ATP5F1C: variants seen among roughly 807,000 people sequenced by gnomAD.
The protein encoded by ATP5F1C is ATP synthase F(1) complex subunit gamma, mitochondrial.
ATP5F1C carries 22 observed loss-of-function variants against 37.4 expected under a neutral mutation model. The ratio of observed to expected loss-of-function variants is 0.59; its 90% confidence interval spans 0.42 to 0.84. The LOEUF (loss-of-function observed/expected upper bound fraction) is 0.84, where lower values mean the gene tolerates loss of function less well. ATP5F1C is among the 40% of genes least tolerant of loss of function. The pLI, the probability that ATP5F1C is intolerant of heterozygous loss-of-function variation, is 0.00. For missense variants in ATP5F1C, 286 were observed against 362.4 expected, an observed-to-expected ratio of 0.79 and a Z score of 1.71; for synonymous variants, 121 against 128.0, an observed-to-expected ratio of 0.95 and a Z score of 0.37.
intron 1 of ATP5F1C, among the ~76,000 whole-genome samples, chr10:7,788,625 C>T (rs1836098449): frequency 6.6e-6 from 1 of 152,172 alleles, no homozygotes; most frequent in Admixed American, 6.5e-5. Context: ...CCCCCAGTCT[C>T]AGGGCCTGCA....
intron 3 of ATP5F1C, 33 bp from the exon 4 acceptor site, chr10:7,798,957 A>G (rs1220899366): frequency 6.3e-7 from 1 of 1,579,386 alleles, no homozygotes. Context: ...TGTATTGCAT[A>G]TAAAAAAATT....
chr10:7,803,251 ATGTTTTTT>A (rs1588503368), intron 8 of ATP5F1C, among the ~76,000 whole-genome samples: 2 of 95,910 alleles, frequency 2.1e-5, no homozygotes, highest in East Asian at 1.7e-3. Flanking sequence ...TTTAATCATT[ATGTTTTTT>A]AATCATTATG....
At chr10:7,805,878 G>C (rs899559557) in intron 8 of ATP5F1C, among the ~76,000 whole-genome samples, 10 of 152,124 alleles carry the variant, frequency 6.6e-5, no homozygotes, top group Non-Finnish European at 1.3e-4. Context: ...CTTGAGCCCA[G>C]GAGTTCAAGA....
intron 1 of ATP5F1C, among the ~76,000 whole-genome samples, chr10:7,788,752 C>G (rs953576833): frequency 6.6e-6 from 1 of 151,950 alleles, no homozygotes; most frequent in Non-Finnish European, 1.5e-5. Flanking sequence ...TCGATCGAGT[C>G]AGAGAGCGCG....
rs184488526 is a variant in ATP5F1C at position 7,797,197 on chromosome 10, T to G, written c.223+19T>G. 2 of 1,609,380 alleles carry G rather than the reference T, an allele frequency of 1.2e-6. No individual in the cohort carries two copies. Among genetic ancestry groups the G allele is most frequent in the East Asian group, 2.2e-5 (1 of 44,764 alleles). On this transcript the variant is annotated intron_variant, in intron 3 of 9. Transcript: ENST00000356708. ...TCTTTAGGTAAGGGAAGAGTGTAAT[T>G]CACAAATTAGGAAGAACTGTTTCAC...
At chr10:7,788,798 T>C (rs1836103779) in intron 1 of ATP5F1C, among the ~76,000 whole-genome samples, 1 of 151,902 alleles carries the variant, frequency 6.6e-6, no homozygotes, top group Non-Finnish European at 1.5e-5. Context: ...GACGCTTTGC[T>C]GGGTGCTGCA....
At chr10:7,794,048 A>G (rs150107576) in intron 1 of ATP5F1C, among the ~76,000 whole-genome samples, 30 of 152,334 alleles carry the variant, frequency 2.0e-4, no homozygotes, top group African/African-American at 6.7e-4. Flanking sequence ...ATAGATATCA[A>G]CTAAAATCAA....
chr10:7,788,202 G>C lies in ATP5F1C; in HGVS notation c.-6G>C. The C allele has an allele frequency of 6.2e-7, 1 of 1,613,244 alleles. No individual in the cohort carries two copies. Among genetic ancestry groups the C allele is most frequent in the South Asian group, 1.1e-5 (1 of 91,006 alleles). ...CTGACCGACCTTCAGCAGGGCTGTG[G>C]CTACCATGTTCTCTCGCGCGGGTGT... On this transcript the variant is annotated 5_prime_UTR_variant, in exon 1 of 10. Coordinates refer to ENST00000356708, the MANE Select transcript of ATP5F1C (RefSeq NM_001001973.3).
chr10:7,792,077 A>C (rs1836172793), intron 1 of ATP5F1C, among the ~76,000 whole-genome samples: 1 of 152,246 alleles, frequency 6.6e-6, no homozygotes, highest in Non-Finnish European at 1.5e-5. Context: ...TTTTGTGTTC[A>C]GGGAGAAAAG....
chr10:7,802,943 T>G (rs1244431), intron 8 of ATP5F1C, 89 bp downstream of exon 8: 521,026 of 1,198,704 alleles, frequency 0.43, 114,375 homozygotes, highest in South Asian at 0.54. Flanking sequence ...TTTCGTTTTT[T>G]TCTTTTGAAG....
At chr10:7,791,729 T>G (rs1408647091) in intron 1 of ATP5F1C, among the ~76,000 whole-genome samples, 1 of 152,218 alleles carries the variant, frequency 6.6e-6, no homozygotes, top group African/African-American at 2.4e-5. Flanking sequence ...AAGCTATCCC[T>G]AAAGAGAGTT....
chr10:7,806,565 G>T lies in ATP5F1C; in HGVS notation c.891-409G>T, dbSNP rs1836485029. 2.6e-5 allele frequency among the ~76,000 whole-genome samples: 4 copies of T among 151,552 alleles called. No homozygotes were observed. In the South Asian group the frequency reaches 8.3e-4, roughly 31 times the overall value. On this transcript the variant is annotated intron_variant, in intron 8 of 9. Transcript: ENST00000356708. Reference sequence around the variant, plus strand: ...CCAGCTACTCGGGAGGCTGAGGCAGGAGAATGACTTGAACCCAGGAGGAGG... The same window carrying T: ...CCAGCTACTCGGGAGGCTGAGGCAGTAGAATGACTTGAACCCAGGAGGAGG...
At chr10:7,799,950 T>A (rs1179554728) in intron 5 of ATP5F1C, 35 bp downstream of exon 5, 3 of 1,606,454 alleles carry the variant, frequency 1.9e-6, no homozygotes, top group Non-Finnish European at 2.5e-6. Context: ...CTTTTTTATG[T>A]TCATGCTTTT....
chr10:7,806,090 G>GAATCCA (rs1264877905), intron 8 of ATP5F1C, among the ~76,000 whole-genome samples: 1 of 152,166 alleles, frequency 6.6e-6, no homozygotes. Context: ...CACATAATTG[G>GAATCCA]AAATTGAGTA....
Position 7,802,863 on chromosome 10 carries a change from T to C in ATP5F1C, c.890+9T>C. The C allele has an allele frequency of 6.2e-7, 1 of 1,609,168 alleles. No homozygotes were observed. Among genetic ancestry groups the C allele is most frequent in the Non-Finnish European group, 8.5e-7 (1 of 1,177,964 alleles). On this transcript the variant is annotated intron_variant, in intron 8 of 9. Transcript: ENST00000356708. The stretch of plus-strand genomic sequence containing the variant: ...TCTGGTGCTGCAGCTCTGTGAGTAA[T>C]TGTAGATTGTCGCCTTCAGAGAATT...
At chr10:7,791,430 C>T (rs1396429212) in intron 1 of ATP5F1C, among the ~76,000 whole-genome samples, 4 of 152,130 alleles carry the variant, frequency 2.6e-5, no homozygotes, top group Admixed American at 6.5e-5. Flanking sequence ...TCATAATTTT[C>T]GTTGAGAATT....
chr10:7,807,600 C>T, intron 9 of ATP5F1C, 59 bp from the exon 10 acceptor site: 2 of 1,552,910 alleles, frequency 1.3e-6, no homozygotes, highest in South Asian at 2.3e-5. Flanking sequence ...TATCTCTTGA[C>T]ATTATTTTCC....
intron 8 of ATP5F1C, 87 bp from the exon 9 acceptor site, chr10:7,806,887 T>C (rs1190119146): frequency 8.5e-7 from 1 of 1,174,434 alleles, no homozygotes; most frequent in Non-Finnish European, 1.3e-6. Context: ...CTTTTTTTCA[T>C]TGGAAAGCAT....
At position 7,797,110 on chromosome 10, in the gene ATP5F1C, C is replaced by A. The variant is rs747924256; in HGVS notation, c.155C>A (p.Ala52Glu). Residue 52 changes from alanine to glutamate, a missense_variant, in exon 3 of 10, where the codon GCG becomes GAG. Physicochemically the swap from Ala to Glu is moderately radical, Grantham distance 107. Transcript: ENST00000356708. ...ATTACCAAGTCTATGAAAATGGTAG[C>A]GGCAGCAAAATATGCCCGAGCTGAG... ...QKITKSMKMV[A>E]AAKYARAERE... 1 of 1,614,034 alleles carries A rather than the reference C, an allele frequency of 6.2e-7. No homozygotes were observed.
Sources: gnomAD v4.1 joint callset for allele counts (sites outside exome capture counted in the v4.1 genomes callset) on GRCh38, gnomAD v4.1.1 for gene constraint, MANE v1.5 for transcripts, NCBI Gene and HGNC (gene_info 2026-07-23, HGNC 2026-07-21) for gene names.